Variants in NXPE2 observed in about 807,000 individuals in gnomAD.
NXPE2 encodes the protein neurexophilin and PC-esterase domain family member 2, also known as NXPE family member 2.
A neutral mutation model predicts 34.4 loss-of-function variants in NXPE2; 34 were observed. The observed-to-expected ratio is 0.99, with a 90% CI of 0.75 to 1.31. NXPE2 has a LOEUF of 1.31. NXPE2 is among the 40% of genes most tolerant of loss of function. The pLI is 0.00. For synonymous variants in NXPE2, 235 were observed against 231.3 expected, an observed-to-expected ratio of 1.02 and a Z score of -0.15; for missense variants, 649 against 672.5, an observed-to-expected ratio of 0.97 and a Z score of 0.39.
At chr11:114,597,042 G>C in the NXPE2 span, among the ~76,000 whole-genome samples, 1 of 152,156 alleles carries the variant, frequency 6.6e-6, no homozygotes, top group South Asian at 2.1e-4. Flanking sequence ...CACAAAGAAT[G>C]AAAACTAGGA....
chr11:114,485,890 C>A, the NXPE2 span, among the ~76,000 whole-genome samples: 1 of 152,116 alleles, frequency 6.6e-6, no homozygotes, highest in East Asian at 1.9e-4. Context: ...TTTCTTTATT[C>A]ATTCATCTGT....
the NXPE2 span, among the ~76,000 whole-genome samples, chr11:114,795,972 C>T: frequency 1.3e-5 from 2 of 152,312 alleles, no homozygotes. Flanking sequence ...ACAGCTCTCT[C>T]ACACTCCTAT....
the NXPE2 span, among the ~76,000 whole-genome samples, chr11:114,776,573 C>T: frequency 2.6e-5 from 4 of 152,290 alleles, no homozygotes; most frequent in Admixed American, 2.0e-4. Flanking sequence ...TGGATGTGTG[C>T]GCACATCTGG....
chr11:114,791,035 T>C, the NXPE2 span, among the ~76,000 whole-genome samples: 6 of 151,774 alleles, frequency 4.0e-5, no homozygotes, highest in African/African-American at 1.2e-4. Context: ...AAAGAGGAGA[T>C]GGAGGTGGCA....
At chr11:114,758,761 T>G in the NXPE2 span, among the ~76,000 whole-genome samples, 1 of 149,740 alleles carries the variant, frequency 6.7e-6, no homozygotes, top group African/African-American at 2.4e-5. Context: ...TATATATTTA[T>G]GTAATATATT....
the NXPE2 span, among the ~76,000 whole-genome samples, chr11:114,786,436 G>T: frequency 6.8e-6 from 1 of 147,114 alleles, no homozygotes. Context: ...CAAAAATGAG[G>T]TTCTGAGTTT....
chr11:114,625,632 G>C, the NXPE2 span, among the ~76,000 whole-genome samples: 1 of 152,162 alleles, frequency 6.6e-6, no homozygotes, highest in Non-Finnish European at 1.5e-5. Flanking sequence ...GGTAACTGCT[G>C]TTACCCGGTG....
chr11:114,800,821 A>ACAG, the NXPE2 span, among the ~76,000 whole-genome samples: 1 of 152,198 alleles, frequency 6.6e-6, no homozygotes, highest in African/African-American at 2.4e-5. Flanking sequence ...TGGGGATTAA[A>ACAG]TCTGACTAAT....
the NXPE2 span, among the ~76,000 whole-genome samples, chr11:114,610,412 A>G: frequency 6.6e-6 from 1 of 151,932 alleles, no homozygotes; most frequent in Non-Finnish European, 1.5e-5. Flanking sequence ...TCCAGGGAAT[A>G]ATACCTATTG....
the NXPE2 span, among the ~76,000 whole-genome samples, chr11:114,778,224 T>G: frequency 5.3e-5 from 8 of 151,692 alleles, no homozygotes; most frequent in Admixed American, 6.6e-5. Context: ...TCTAGAAGAG[T>G]GTCCCAAACA....
chr11:114,774,912 A>G, the NXPE2 span, among the ~76,000 whole-genome samples: 14 of 152,246 alleles, frequency 9.2e-5, no homozygotes, highest in Admixed American at 2.6e-4. Context: ...ATGGCTGGAC[A>G]TTTAAAAAAT....
chr11:114,730,834 A>G, the NXPE2 span, among the ~76,000 whole-genome samples: 1 of 152,146 alleles, frequency 6.6e-6, no homozygotes, highest in Non-Finnish European at 1.5e-5. Context: ...GAATTATGTC[A>G]TCAGCAAAGA....
chr11:114,577,408 A>C, the NXPE2 span, among the ~76,000 whole-genome samples: 1 of 152,018 alleles, frequency 6.6e-6, no homozygotes, highest in Admixed American at 6.6e-5. Context: ...GGAAAGGGTC[A>C]GCGTTGGCGA....
the NXPE2 span, among the ~76,000 whole-genome samples, chr11:114,643,927 C>G: frequency 6.6e-6 from 1 of 152,036 alleles, no homozygotes; most frequent in African/African-American, 2.4e-5. Context: ...TTTGTGTCCT[C>G]TCTTATTTTC....
the NXPE2 span, among the ~76,000 whole-genome samples, chr11:114,652,751 GCT>G: frequency 0.33 from 49,736 of 151,854 alleles, 8,380 homozygotes; most frequent in East Asian, 0.41. Flanking sequence ...GTCAAGAATG[GCT>G]CTGTGTTTTG....
intron 2 of NXPE2, among the ~76,000 whole-genome samples, chr11:114,680,025 G>A (rs1334399829): frequency 6.6e-6 from 1 of 152,100 alleles, no homozygotes; most frequent in Non-Finnish European, 1.5e-5. Flanking sequence ...AGTTGGCACT[G>A]TAACCATCCT....
chr11:114,661,337 G>A, the NXPE2 span, among the ~76,000 whole-genome samples: 2 of 152,154 alleles, frequency 1.3e-5, no homozygotes, highest in Admixed American at 1.3e-4. Flanking sequence ...ACTCTGCAAA[G>A]GTTCTTGAGT....
the NXPE2 span, among the ~76,000 whole-genome samples, chr11:114,600,143 G>A: frequency 6.6e-6 from 1 of 152,030 alleles, no homozygotes; most frequent in Admixed American, 6.6e-5. Context: ...AGAAAAACAA[G>A]TTTATTTCCA....
chr11:114,491,400 A>G, the NXPE2 span, among the ~76,000 whole-genome samples: 2 of 152,134 alleles, frequency 1.3e-5, no homozygotes, highest in Admixed American at 1.3e-4. Flanking sequence ...CCAAAAACAC[A>G]TGAAAAAATG....
Sources: allele counts gnomAD v4.1 joint callset (sites outside exome capture counted in the v4.1 genomes callset), GRCh38; gene constraint gnomAD v4.1.1; transcripts MANE v1.5; gene names NCBI Gene and HGNC (gene_info 2026-07-23, HGNC 2026-07-21).